BCAR1: variants seen among roughly 807,000 people sequenced by gnomAD.
BCAR1 encodes the protein BCAR1 scaffold protein, Cas family member.
A neutral mutation model predicts 67.6 loss-of-function variants in BCAR1; 30 were observed. The ratio of observed to expected loss-of-function variants is 0.44; its 90% CI spans 0.33 to 0.60. BCAR1 has a LOEUF of 0.60. Ranked by LOEUF, BCAR1 falls within the 20% of genes least tolerant of loss-of-function variation. BCAR1 has a pLI of 0.02. For synonymous variants in BCAR1, 626 were observed against 556.7 expected (o/e 1.12, Z -1.75); for missense variants, 1,313 against 1,222.3 (o/e 1.07, Z -1.11).
intron 2 of BCAR1, chr16:75,237,994 TG>T: frequency 7.8e-7 from 1 of 1,274,050 alleles, no homozygotes; most frequent in Non-Finnish European, 1.0e-6. Context: ...CCGGGGGAGC[TG>T]CCTGCAGCAG....
rs1346197871 is a variant in BCAR1 at position 75,235,170 on chromosome 16, C to T, written c.1729G>A (p.Asp577Asn). Residue 577 changes from aspartate to asparagine, a missense_variant, in exon 5 of 7, where the codon GAC becomes AAC. This residue lies in a region of BCAR1 where 1,272 missense variants were observed against 1,137.5 expected (regional missense o/e 1.12). Coordinates refer to ENST00000162330, the MANE Select transcript of BCAR1 (RefSeq NM_014567.5). Reference protein sequence around the residue: ...GGSGATLEDLDRLVACSRAVP... With the variant: ...GGSGATLEDLNRLVACSRAVP... The stretch of plus-strand genomic sequence containing the variant: ...GCCCGCGAGCAGGCCACCAGCCGGT[C>T]CAGGTCCTCAAGGGTGGCTCCAGAG... 2 of 1,608,920 alleles carry T rather than the reference C, an allele frequency of 1.2e-6. No homozygotes were observed. Among genetic ancestry groups the T allele is most frequent in the South Asian group, 2.2e-5 (2 of 91,060 alleles).
intron 1 of BCAR1, chr16:75,250,748 G>A: frequency 1.0e-6 from 1 of 985,530 alleles, no homozygotes. Context: ...CCCCAACCAT[G>A]GACTCCAAAG....
At chr16:75,233,288 G>A (rs990071868) in intron 6 of BCAR1, among the ~76,000 whole-genome samples, 2 of 152,006 alleles carry the variant, frequency 1.3e-5, no homozygotes, top group African/African-American at 2.4e-5. Flanking sequence ...CAGGAGAATC[G>A]CTTGAGCCCA....
chr16:75,237,005 C>CAGA lies in BCAR1; in HGVS notation c.796-10_796-8dup, dbSNP rs751160108. The CAGA allele has an allele frequency of 2.7e-4, 431 of 1,592,214 alleles. 1 individual carries two copies. The highest frequency in any genetic ancestry group is 3.5e-4 in the Non-Finnish European group (406 of 1,167,792). On this transcript the variant is annotated splice_polypyrimidine_tract_variant and splice_region_variant and intron_variant, in intron 3 of 6. Coordinates refer to ENST00000162330, the MANE Select transcript of BCAR1 (RefSeq NM_014567.5). Reference sequence around the variant, plus strand: ...TGGGGGGTGTGTCATACACCTGGGGCAGAAACAGTGCAGGGTTAACGGCGC... The same window carrying CAGA: ...TGGGGGGTGTGTCATACACCTGGGGCAGAAGAAACAGTGCAGGGTTAACGGCGC...
Position 75,238,728 on chromosome 16 carries a change from C to T in BCAR1, c.634-1384G>A, listed in dbSNP as rs74478302. On this transcript the variant is annotated intron_variant, in intron 2 of 6. Coordinates refer to ENST00000162330, the MANE Select transcript of BCAR1 (RefSeq NM_014567.5). ...GGGAGTGGATTTGGCGGCTGCCTCT[C>T]CAGACTCATCTCCCTCCACGCGCCC... The T allele has an allele frequency of 1.1e-3, 1,102 of 985,586 alleles. 16 individuals carry two copies. The highest frequency in any genetic ancestry group is 9.7e-3 in the African/African-American group (556 of 57,368). 61.1% of individuals were successfully genotyped at this position (985,586 alleles called of 1,614,324 possible).
rs1434132919 is a variant in BCAR1, at chr16:75,228,915, G to A, written c.*596C>T. 1.3e-5 allele frequency: 2 copies of A among 152,460 alleles called. No homozygotes were observed. The highest frequency in any genetic ancestry group is 4.8e-5 in the African/African-American group (2 of 41,456). The allele number at this position is 152,460 out of a possible 1,614,324, so 9.4% of individuals were successfully genotyped here. On this transcript the variant is annotated 3_prime_UTR_variant, in exon 7 of 7. Transcript: ENST00000162330. ...GCGTTCCTTGGTTTTCTTCTAGAGA[G>A]ACCCACTCCTCCTCTGCCCTCCCGG...
At position 75,242,547 on chromosome 16, in the gene BCAR1, C is replaced by G. The variant is rs748408243; in HGVS notation, c.556G>C (p.Gly186Arg). The change falls in exon 2 of 7, where the codon GGG becomes CGG. Residue 186 changes from glycine (G) to arginine (R), a missense_variant. This residue lies in a region of BCAR1 where 1,272 missense variants were observed against 1,137.5 expected (regional missense o/e 1.12). Transcript: ENST00000162330. ...ACCTGGTAGATGTCATGCCCCATCC[C>G]GGCAGAAGGTGGCACCTGGTAAATA... is the stretch of plus-strand genomic sequence containing the variant. ...QDIYQVPPSA[G>R]MGHDIYQVPP... 6.7e-7 allele frequency: 1 copy of G among 1,492,518 alleles called. No individual in the cohort carries two copies. The highest frequency in any genetic ancestry group is 1.4e-5 in the African/African-American group (1 of 70,824). 92.5% of individuals were successfully genotyped at this position (1,492,518 alleles called of 1,614,324 possible). A position where few individuals can be genotyped will look rare whatever the true frequency, so the allele number is the denominator to read the frequency against.
chr16:75,238,601 G>A (rs1346692686), intron 2 of BCAR1: 21 of 988,676 alleles, frequency 2.1e-5, no homozygotes, highest in Non-Finnish European at 2.4e-5. Context: ...AGAGCCCCCC[G>A]CAGCGCAGCA....
intron 2 of BCAR1, among the ~76,000 whole-genome samples, chr16:75,240,882 C>T (rs544068133): frequency 6.6e-5 from 10 of 152,326 alleles, no homozygotes; most frequent in African/African-American, 2.4e-4. Context: ...GGCCCCCTGC[C>T]GGAGACGGAG....
intron 6 of BCAR1, 51 bp from the exon 7 acceptor site, chr16:75,230,074 A>G: frequency 6.6e-7 from 1 of 1,511,386 alleles, no homozygotes; most frequent in South Asian, 1.3e-5. Flanking sequence ...GTGAGTTGGA[A>G]CTACAGGCCG....
rs138166614 is a variant in BCAR1 at position 75,235,204 on chromosome 16, G to A, written c.1695C>T (p.Gly565=). 68 of 1,608,126 alleles carry A rather than the reference G, an allele frequency of 4.2e-5. No homozygotes were observed. Among genetic ancestry groups the A allele is most frequent in the Non-Finnish European group, 3.4e-5 (40 of 1,178,466 alleles). Residue 565 remains glycine (G), a synonymous_variant, in exon 5 of 7, where the codon GGC becomes GGT. Coordinates refer to ENST00000162330, the MANE Select transcript of BCAR1 (RefSeq NM_014567.5). ...LVAHGQALDA[G]RGGSGATLED... ...CAAGGGTGGCTCCAGAGCCTCCCCG[G>A]CCAGCGTCGAGGGCCTGACCATGTG...
chr16:75,248,206 C>G, intron 1 of BCAR1: 1 of 1,554,308 alleles, frequency 6.4e-7, no homozygotes, highest in Non-Finnish European at 8.6e-7. Context: ...CGCCTGGGTT[C>G]GTGGAAACCA....
At chr16:75,252,386 T>G, upstream of BCAR1, 1 of 1,501,834 alleles carries the variant, frequency 6.7e-7, no homozygotes, top group Non-Finnish European at 8.9e-7. Context: ...CGACATGGGG[T>G]AGGAGAGCGG....
At chr16:75,262,527 C>T (rs960219659) in intron 1 of BCAR1, among the ~76,000 whole-genome samples, 10 of 152,194 alleles carry the variant, frequency 6.6e-5, no homozygotes, top group African/African-American at 1.4e-4. Flanking sequence ...CAAGGCCCAG[C>T]GGCAGAAGAG....
chr16:75,230,665 C>G (rs143426070), intron 6 of BCAR1, among the ~76,000 whole-genome samples: 27 of 152,156 alleles, frequency 1.8e-4, no homozygotes, highest in Non-Finnish European at 2.9e-5. Flanking sequence ...TCACTAGAGC[C>G]GCTCTGGCTC....
In BCAR1 at chr16:75,237,264, T is replaced by C; in HGVS notation, c.714A>G (p.Arg238=). The C allele has an allele frequency of 6.6e-7, 1 of 1,523,078 alleles. No homozygotes were observed. The highest frequency in any genetic ancestry group is 2.4e-5 in the East Asian group (1 of 41,052). The allele number at this position is 1,523,078 out of a possible 1,614,324, so 94.3% of individuals were successfully genotyped here. A position where few individuals can be genotyped will look rare whatever the true frequency, so the allele number is the denominator to read the frequency against. Reference sequence around the variant, plus strand: ...CCTGTGGCCCCGGGGCCAGCAGGTGTCGCGGGATGTCGTACTCGTCCTGCT... The same window carrying C: ...CCTGTGGCCCCGGGGCCAGCAGGTGCCGCGGGATGTCGTACTCGTCCTGCT... ...QPEQDEYDIP[R]HLLAPGPQDI... Residue 238 remains arginine, a synonymous_variant, in exon 3 of 7, where the codon CGA becomes CGG. Coordinates refer to ENST00000162330, the MANE Select transcript of BCAR1 (RefSeq NM_014567.5).
At chr16:75,250,022 C>G (rs937487867) in intron 1 of BCAR1, 1 of 152,416 alleles carries the variant, frequency 6.6e-6, no homozygotes, top group Non-Finnish European at 1.5e-5. Context: ...CCCTCCTGTA[C>G]AGACAGGAGG....
At chr16:75,267,665 G>T (rs1336702325) in intron 1 of BCAR1, among the ~76,000 whole-genome samples, 3 of 151,742 alleles carry the variant, frequency 2.0e-5, no homozygotes, top group African/African-American at 7.3e-5. Context: ...GGGGCCCACT[G>T]TTCCTGTCTC....
Position 75,263,937 on chromosome 16 carries a change from A to C in BCAR1, c.66+3978T>G, listed in dbSNP as rs148467909. 9.0e-5 allele frequency: 99 copies of C among 1,100,344 alleles called. No homozygotes were observed. The African/African-American group carries it at 1.4e-3, about 16-fold the overall frequency. The allele number at this position is 1,100,344 out of a possible 1,614,324, so 68.2% of individuals were successfully genotyped here. On this transcript the variant is annotated intron_variant, in intron 1 of 6. Coordinates refer to the BCAR1 transcript ENST00000393422. ...CACCTCACACACTGCCCAAGGTCCC[A>C]GGAGAGAGAGCCACGGTGATCTGCC...
Sources: gnomAD v4.1 joint callset for allele counts (sites outside exome capture counted in the v4.1 genomes callset) on GRCh38, gnomAD v4.1.1 for gene constraint, gnomAD v4.1.1 regional missense constraint, MANE v1.5 for transcripts, NCBI Gene and HGNC (gene_info 2026-07-23, HGNC 2026-07-21) for gene names.